The following SNTG1 variants were observed in gnomAD, a reference collection of about 807,000 sequenced individuals.
SNTG1 encodes the protein syntrophin gamma 1.
Under a neutral mutation model 74.7 loss-of-function variants are expected in SNTG1, and 39 were observed. The observed-to-expected ratio is 0.52, with a 90% CI of 0.40 to 0.68. The LOEUF (loss-of-function observed/expected upper bound fraction) is 0.68. Ranked by LOEUF, SNTG1 falls within the 30% of genes least tolerant of loss-of-function variation. SNTG1 has a pLI of 0.00. For synonymous variants in SNTG1, 254 were observed against 217.1 expected (o/e 1.17, Z -1.49); for missense variants, 685 against 609.5 (o/e 1.12, Z -1.30).
At chr8:50,216,163 CT>C (rs1313511238) in intron 2 of SNTG1, among the ~76,000 whole-genome samples, 3 of 152,082 alleles carry the variant, frequency 2.0e-5, no homozygotes, top group Non-Finnish European at 4.4e-5. Context: ...TGATTTGCTC[CT>C]TCTGTATCTT....
At chr8:50,386,693 C>T (rs1445811996) in intron 2 of SNTG1, among the ~76,000 whole-genome samples, 2 of 152,054 alleles carry the variant, frequency 1.3e-5, no homozygotes, top group Non-Finnish European at 2.9e-5. Context: ...GCCAGCATGT[C>T]ATGTGGTAAG....
chr8:50,569,712 G>A (rs896476315), intron 12 of SNTG1, among the ~76,000 whole-genome samples: 6 of 152,046 alleles, frequency 3.9e-5, no homozygotes, highest in African/African-American at 1.2e-4. Context: ...GACAGGCATG[G>A]GTGTCACTGA....
At chr8:50,713,627 T>C (rs777604776) in intron 17 of SNTG1, among the ~76,000 whole-genome samples, 9 of 152,338 alleles carry the variant, frequency 5.9e-5, no homozygotes, top group Non-Finnish European at 1.2e-4. Context: ...AGAGTTTTTA[T>C]GGTTTTCAGT....
intron 12 of SNTG1, among the ~76,000 whole-genome samples, chr8:50,560,572 C>T (rs1321118804): frequency 1.3e-5 from 2 of 152,124 alleles, no homozygotes; most frequent in African/African-American, 4.8e-5. Context: ...TTTGCAGGGA[C>T]ATGGATGGAG....
At chr8:50,386,181 G>A (rs1054761561) in intron 2 of SNTG1, among the ~76,000 whole-genome samples, 4 of 151,998 alleles carry the variant, frequency 2.6e-5, no homozygotes, top group Non-Finnish European at 5.9e-5. Flanking sequence ...TCAGAACCAG[G>A]GGAAAAACAT....
At chr8:50,127,787 T>C (rs144582220) in intron 1 of SNTG1, among the ~76,000 whole-genome samples, 76 of 152,298 alleles carry the variant, frequency 5.0e-4, no homozygotes, top group African/African-American at 1.4e-3. Flanking sequence ...CATATTTCCT[T>C]CAGTAAAATA....
intron 2 of SNTG1, among the ~76,000 whole-genome samples, chr8:50,374,617 G>T (rs947634208): frequency 4.6e-5 from 7 of 152,134 alleles, no homozygotes; most frequent in African/African-American, 1.7e-4. Context: ...TTTAAACTTT[G>T]CTCCGCAGAG....
At chr8:50,601,836 C>T (rs375327659) in intron 13 of SNTG1, among the ~76,000 whole-genome samples, 1 of 152,026 alleles carries the variant, frequency 6.6e-6, no homozygotes, top group African/African-American at 2.4e-5. Flanking sequence ...GCTATATCCT[C>T]TTGATGAATT....
chr8:50,015,069 T>C (rs1211310129), intron 1 of SNTG1, among the ~76,000 whole-genome samples: 1 of 148,522 alleles, frequency 6.7e-6, no homozygotes, highest in African/African-American at 2.5e-5. Context: ...TTGAATTTAG[T>C]AGGGGAACAA....
chr8:49,920,597 T>C (rs75654172), intron 1 of SNTG1, among the ~76,000 whole-genome samples: 1 of 152,208 alleles, frequency 6.6e-6, no homozygotes, highest in South Asian at 2.1e-4. Flanking sequence ...CTGAATTTCA[T>C]TGACTTTAGT....
chr8:50,536,619 A>T (rs535662261), intron 10 of SNTG1, 59 bp from the exon 11 acceptor site: 500 of 1,578,056 alleles, frequency 3.2e-4, no homozygotes, highest in Non-Finnish European at 4.1e-4. Context: ...GGGGTTTGAG[A>T]TACAGAAACT....
At chr8:50,649,343 C>CA (rs1375511010) in intron 13 of SNTG1, among the ~76,000 whole-genome samples, 4 of 152,026 alleles carry the variant, frequency 2.6e-5, no homozygotes, top group Non-Finnish European at 5.9e-5. Flanking sequence ...ACTAAAAATA[C>CA]AAAAAATTAG....
chr8:50,080,908 T>G (rs1417999797), intron 1 of SNTG1, among the ~76,000 whole-genome samples: 1 of 152,208 alleles, frequency 6.6e-6, no homozygotes, highest in Non-Finnish European at 1.5e-5. Context: ...AGAATTATAA[T>G]TGCTTATTCT....
At chr8:50,478,134 A>T (rs1230437613) in intron 8 of SNTG1, among the ~76,000 whole-genome samples, 4 of 152,110 alleles carry the variant, frequency 2.6e-5, no homozygotes, top group South Asian at 2.1e-4. Flanking sequence ...TTCATCTGGC[A>T]TATCAGCTCT....
intron 2 of SNTG1, among the ~76,000 whole-genome samples, chr8:50,197,829 C>A (rs2083835473): frequency 6.6e-6 from 1 of 152,140 alleles, no homozygotes; most frequent in South Asian, 2.1e-4. Context: ...TCTTCTAAAC[C>A]ATCTATTTTT....
At chr8:50,101,002 T>C (rs1367574005) in intron 1 of SNTG1, among the ~76,000 whole-genome samples, 1 of 152,084 alleles carries the variant, frequency 6.6e-6, no homozygotes. Flanking sequence ...TCAATGTTTA[T>C]CTCCAACTTA....
chr8:50,003,937 T>A (rs1814976814), intron 1 of SNTG1, among the ~76,000 whole-genome samples: 1 of 152,150 alleles, frequency 6.6e-6, no homozygotes, highest in African/African-American at 2.4e-5. Context: ...GACCTAGGTT[T>A]ATTATTCTAG....
chr8:50,773,529 G>A (rs576894077), intron 18 of SNTG1, among the ~76,000 whole-genome samples: 55 of 151,998 alleles, frequency 3.6e-4, no homozygotes, highest in Non-Finnish European at 7.9e-4. Flanking sequence ...AGAAATATTG[G>A]TCAAAACAAT....
chr8:50,275,757 A>T (rs2088062885), intron 2 of SNTG1, among the ~76,000 whole-genome samples: 2 of 152,140 alleles, frequency 1.3e-5, no homozygotes, highest in African/African-American at 4.8e-5. Context: ...TTCCTGCAAG[A>T]TATGGACTCC....
Sources: allele counts gnomAD v4.1 joint callset (sites outside exome capture counted in the v4.1 genomes callset), GRCh38; gene constraint gnomAD v4.1.1; transcripts MANE v1.5; gene names NCBI Gene and HGNC (gene_info 2026-07-23, HGNC 2026-07-21).